The following SERAC1 variants were observed in gnomAD, a reference collection of about 807,000 sequenced individuals.
The protein encoded by SERAC1 is protein SERAC1.
SERAC1 carries 36 observed loss-of-function variants against 85.7 expected under a neutral mutation model. That is an observed-to-expected ratio of 0.42 (90% CI 0.32 to 0.55). The LOEUF (loss-of-function observed/expected upper bound fraction) is 0.55, where lower values mean the gene tolerates loss of function less well. Ranked by LOEUF, SERAC1 falls within the 20% of genes least tolerant of loss-of-function variation. The pLI is 0.11. For synonymous variants in SERAC1, 242 were observed against 265.3 expected, an observed-to-expected ratio of 0.91 and a Z score of 0.85; for missense variants, 629 against 796.2, an observed-to-expected ratio of 0.79 and a Z score of 2.53.
In SERAC1 at chr6:158,117,588, CAA is replaced by C. The variant is rs1784320391; in HGVS notation, c.1403+137_1403+138del. On this transcript the variant is annotated intron_variant, in intron 13 of 16. Coordinates refer to ENST00000647468, the MANE Select transcript of SERAC1 (RefSeq NM_032861.4). This position sits in a 1 kb window ranked among gnomAD's most constrained non-coding sequence, Gnocchi z 4.3. ...CAGCAAACTCCTTCTAGAAGGAAGA[CAA>C]AAAAGATTAGGTTTGTTCTTCATAA... 2.6e-6 allele frequency: 4 copies of C among 1,553,664 alleles called. No homozygotes were observed. Among genetic ancestry groups the C allele is most frequent in the Non-Finnish European group, 3.5e-6 (4 of 1,147,982 alleles).
chr6:158,122,492 A>G (rs1784445617), intron 10 of SERAC1, among the ~76,000 whole-genome samples: 1 of 152,180 alleles, frequency 6.6e-6, no homozygotes, highest in Non-Finnish European at 1.5e-5. Context: ...ATTTAAACAC[A>G]TACAATGGGC....
At chr6:158,156,518 A>T (rs542368935) in intron 2 of SERAC1, among the ~76,000 whole-genome samples, 9 of 152,098 alleles carry the variant, frequency 5.9e-5, no homozygotes, top group Admixed American at 2.0e-4. Flanking sequence ...CCATGAGGAC[A>T]ATAAAGAGAA....
At chr6:158,129,685 T>A (rs373417989) in intron 9 of SERAC1, among the ~76,000 whole-genome samples, 1 of 141,458 alleles carries the variant, frequency 7.1e-6, no homozygotes. Flanking sequence ...AATATTTCCT[T>A]GTTTTTTTTT....
chr6:158,160,466 T>G (rs1158084702), intron 1 of SERAC1, among the ~76,000 whole-genome samples: 1 of 152,236 alleles, frequency 6.6e-6, no homozygotes, highest in African/African-American at 2.4e-5. Flanking sequence ...TTTTTCCTTT[T>G]GTCATCACAT....
At chr6:158,139,631 G>A (rs1245109703) in intron 8 of SERAC1, among the ~76,000 whole-genome samples, 4 of 152,284 alleles carry the variant, frequency 2.6e-5, no homozygotes, top group South Asian at 2.1e-4. Flanking sequence ...AGGCTGAGGT[G>A]GGAGGATCAC....
chr6:158,143,343 CTCTCTATATATATATATA>C (rs1168841350), intron 7 of SERAC1, among the ~76,000 whole-genome samples, 159 bp from the exon 8 acceptor site: 330 of 33,556 alleles, frequency 9.8e-3, no homozygotes, highest in African/African-American at 0.016. Flanking sequence ...CTCTCTCTCT[CTCTCTATATATATATATA>C]TATATATATA....
intron 1 of SERAC1, among the ~76,000 whole-genome samples, chr6:158,159,736 C>T (rs1257054455): frequency 2.0e-5 from 3 of 151,758 alleles, no homozygotes; most frequent in South Asian, 2.1e-4. Context: ...GCAATCCTCC[C>T]ACCTCAGCCT....
Position 158,128,256 on chromosome 6 carries a change from A to G in SERAC1, c.867T>C (p.Cys289=). 1 of 1,613,938 alleles carries G rather than the reference A, an allele frequency of 6.2e-7. No individual in the cohort carries two copies. Among genetic ancestry groups the G allele is most frequent in the Non-Finnish European group, 8.5e-7 (1 of 1,179,932 alleles). Reference sequence around the variant, plus strand: ...GGCCTCCATTTGCTTCGATTTTATCACAATGTGTGGATATCTGGCACAATA... The same window carrying G: ...GGCCTCCATTTGCTTCGATTTTATCGCAATGTGTGGATATCTGGCACAATA... ...IVKHSEISTH[C]DKIEANGGLQ... Residue 289 remains cysteine, a synonymous_variant, in exon 10 of 17, where the codon TGT becomes TGC. Coordinates refer to ENST00000647468, the MANE Select transcript of SERAC1 (RefSeq NM_032861.4).
At chr6:158,148,776 T>C in intron 5 of SERAC1, 89 bp downstream of exon 5, 1 of 921,650 alleles carries the variant, frequency 1.1e-6, no homozygotes, top group South Asian at 1.8e-5. Flanking sequence ...AAAATATTAG[T>C]ATAAGAAATG....
Position 158,120,594 on chromosome 6 carries a change from A to G in SERAC1, c.1016-19T>C, listed in dbSNP as rs764921010. On this transcript the variant is annotated intron_variant, in intron 10 of 16. Transcript: ENST00000647468. This position sits in a 1 kb window ranked among gnomAD's most constrained non-coding sequence, Gnocchi z 4.4. ...ACCCAGCCTGGTGAAAAGTACACAT[A>G]TCCTAAATACTGATGTGAATCCATC... The G allele has an allele frequency of 3.7e-6, 6 of 1,610,214 alleles. No homozygotes were observed. In the South Asian group the frequency reaches 6.6e-5, roughly 18 times the overall value.
At chr6:158,157,491 CT>C (rs1450648177) in intron 2 of SERAC1, among the ~76,000 whole-genome samples, 1 of 152,106 alleles carries the variant, frequency 6.6e-6, no homozygotes, top group Non-Finnish European at 1.5e-5. Context: ...AGGAAAAGGA[CT>C]TTGTTTTATT....
chr6:158,129,301 T>C (rs1389555835), intron 9 of SERAC1, among the ~76,000 whole-genome samples: 2 of 152,216 alleles, frequency 1.3e-5, no homozygotes, highest in Admixed American at 6.5e-5. Flanking sequence ...GAACTAAAGA[T>C]GACTTTCTAC....
At chr6:158,154,399 G>C (rs781135387) in intron 3 of SERAC1, among the ~76,000 whole-genome samples, 1 of 152,130 alleles carries the variant, frequency 6.6e-6, no homozygotes, top group Non-Finnish European at 1.5e-5. Context: ...ATGAGTCAAA[G>C]GGAAAAATTA....
chr6:158,158,725 A>C, intron 1 of SERAC1: 1 of 171,994 alleles, frequency 5.8e-6, no homozygotes, highest in Non-Finnish European at 1.3e-5. Context: ...CATGAAAAAA[A>C]TTTAATGTCT....
chr6:158,129,329 T>C (rs1236067806), intron 9 of SERAC1, among the ~76,000 whole-genome samples: 2 of 152,210 alleles, frequency 1.3e-5, no homozygotes, highest in Admixed American at 6.5e-5. Context: ...TTTTAAGCCA[T>C]GTCCAATGTG....
At chr6:158,132,430 T>C (rs1784699218) in intron 8 of SERAC1, among the ~76,000 whole-genome samples, 1 of 152,192 alleles carries the variant, frequency 6.6e-6, no homozygotes, top group Non-Finnish European at 1.5e-5. Context: ...TGAAAAGTCG[T>C]CCTTCTCTGG....
rs374730949 is a variant in SERAC1, at chr6:158,120,591, CATATCCTAAATACTG to C, written c.1016-31_1016-17del. 7.4e-4 allele frequency: 1,193 copies of C among 1,612,712 alleles called. 7 individuals carry two copies. In the African/African-American group the frequency reaches 0.014, roughly 19 times the overall value. ...GAAACCCAGCCTGGTGAAAAGTACA[CATATCCTAAATACTG>C]ATGTGAATCCATCGCAGACCACAGA... is the stretch of plus-strand genomic sequence containing the variant. On this transcript the variant is annotated splice_polypyrimidine_tract_variant and intron_variant, in intron 10 of 16. Transcript: ENST00000647468. This position sits in a 1 kb window ranked among gnomAD's most constrained non-coding sequence, Gnocchi z 4.4.
intron 3 of SERAC1, among the ~76,000 whole-genome samples, chr6:158,151,804 G>A (rs766526570): frequency 2.6e-5 from 4 of 151,946 alleles, no homozygotes; most frequent in East Asian, 1.9e-4. Context: ...GCTATACAAC[G>A]TGTTTGTGTT....
chr6:158,137,447 T>C (rs1388431097), intron 8 of SERAC1, among the ~76,000 whole-genome samples: 1 of 152,112 alleles, frequency 6.6e-6, no homozygotes, highest in Non-Finnish European at 1.5e-5. Context: ...ATGTATTTAC[T>C]TAAAGGATGG....
Sources: gnomAD v4.1 joint callset for allele counts (sites outside exome capture counted in the v4.1 genomes callset) on GRCh38, gnomAD v4.1.1 for gene constraint, Gnocchi (gnomAD v3.1) non-coding constraint, MANE v1.5 for transcripts, NCBI Gene and HGNC (gene_info 2026-07-23, HGNC 2026-07-21) for gene names.